The following ZNF654 variants were observed in gnomAD, a reference collection of about 807,000 sequenced individuals.
ZNF654 encodes melanoma-associated antigen.
A neutral mutation model predicts 95.3 loss-of-function variants in ZNF654; 19 were observed. The ratio of observed to expected loss-of-function variants is 0.20; its 90% CI spans 0.14 to 0.29. The LOEUF (loss-of-function observed/expected upper bound fraction) is 0.29. ZNF654 is among the 10% of genes least tolerant of loss of function. ZNF654 has a pLI of 1.00. For missense variants in ZNF654, 1,046 were observed against 1,341.0 expected (o/e 0.78, Z 3.44); for synonymous variants, 413 against 457.9 (o/e 0.90, Z 1.25).
At chr3:88,109,543 C>G (rs1704963520) in intron 2 of ZNF654, among the ~76,000 whole-genome samples, 1 of 151,996 alleles carries the variant, frequency 6.6e-6, no homozygotes, top group South Asian at 2.1e-4. Context: ...GATAAATGCA[C>G]AAATCTTTCT....
rs758417452 is a variant in ZNF654, at chr3:88,140,561, G to A, written c.2892G>A (p.Glu964=). The change falls in exon 8 of 9, where the codon GAG becomes GAA. Residue 964 remains glutamate, a synonymous_variant. Coordinates refer to ENST00000636215, the MANE Select transcript of ZNF654 (RefSeq NM_001350134.2). ...TAGACCAAAAGATGCCTGACATAGAGCCAAATTCTGAAAATAATTGTAGTA... is the reference window on the plus strand; with the variant it reads ...TAGACCAAAAGATGCCTGACATAGAACCAAATTCTGAAAATAATTGTAGTA... The part of the protein sequence containing the change: ...SLIDQKMPDI[E]PNSENNCSSS... 5 of 1,613,566 alleles carry A rather than the reference G, an allele frequency of 3.1e-6. No individual in the cohort carries two copies. In the African/African-American group the frequency reaches 5.3e-5, roughly 17 times the overall value.
In ZNF654 at chr3:88,143,450, A is replaced by AT. The variant is rs1348572322; in HGVS notation, c.*1803dup. 1 of 152,308 alleles carries AT rather than the reference A, an allele frequency of 6.6e-6. No individual in the cohort carries two copies. The highest frequency in any genetic ancestry group is 1.5e-5 in the Non-Finnish European group (1 of 67,766). The allele number at this position is 152,308 out of a possible 1,614,324, so 9.4% of individuals were successfully genotyped here. A position where few individuals can be genotyped will look rare whatever the true frequency, so the allele number is the denominator to read the frequency against. On this transcript the variant is annotated 3_prime_UTR_variant, in exon 9 of 9. Transcript: ENST00000636215. ...ATTTCTTGATACTAAAAATGTAATG[A>AT]TTTTTATTTTAGTTCATTCTAAAAG...
chr3:88,109,433 T>C (rs1376110425), intron 2 of ZNF654, among the ~76,000 whole-genome samples: 1 of 152,114 alleles, frequency 6.6e-6, no homozygotes, highest in African/African-American at 2.4e-5. Flanking sequence ...ATTGTTTGAC[T>C]CACATAGAGT....
At chr3:88,085,870 T>C (rs73150076) in intron 1 of ZNF654, among the ~76,000 whole-genome samples, 4 of 152,340 alleles carry the variant, frequency 2.6e-5, no homozygotes, top group Non-Finnish European at 2.9e-5. Context: ...TTATAAATAA[T>C]AATGATAATA....
At chr3:88,076,711 CCATG>C in intron 1 of ZNF654, among the ~76,000 whole-genome samples, 1 of 152,226 alleles carries the variant, frequency 6.6e-6, no homozygotes, top group East Asian at 1.9e-4. Context: ...GTTCCCTTGT[CCATG>C]CACCAATTTT....
At chr3:88,093,703 A>G (rs1224127169) in intron 2 of ZNF654, among the ~76,000 whole-genome samples, 2 of 152,248 alleles carry the variant, frequency 1.3e-5, no homozygotes, top group Non-Finnish European at 2.9e-5. Context: ...ACTGTATTTC[A>G]TACAGCATTT....
Position 88,140,192 on chromosome 3 carries a change from A to G in ZNF654, c.2523A>G (p.Ile841Met). ...QLAQHTKSHR[I>M]FQAQCSFPEC... ...CCCAGCACACAAAAAGTCACAGGAT[A>G]TTTCAGGCTCAGTGTAGTTTTCCAG... Residue 841 changes from isoleucine to methionine, a missense_variant, in exon 8 of 9, where the codon ATA (isoleucine) becomes ATG (methionine). Physicochemically the swap from Ile to Met is conservative, Grantham distance 10 (BLOSUM62 1). This residue lies in a region of ZNF654 where 495 missense variants were observed against 537.0 expected (regional missense o/e 0.92). Transcript: ENST00000636215. 1.2e-6 allele frequency: 2 copies of G among 1,613,824 alleles called. No individual in the cohort carries two copies. Among genetic ancestry groups the G allele is most frequent in the Non-Finnish European group, 1.7e-6 (2 of 1,179,770 alleles).
At chr3:88,111,299 C>G (rs1195854971) in intron 2 of ZNF654, among the ~76,000 whole-genome samples, 1 of 151,748 alleles carries the variant, frequency 6.6e-6, no homozygotes, top group Admixed American at 6.6e-5. Flanking sequence ...CATTTCTGAC[C>G]CCTAGTTCTT....
At chr3:88,127,647 G>A (rs111404912) in intron 4 of ZNF654, among the ~76,000 whole-genome samples, 100 of 152,238 alleles carry the variant, frequency 6.6e-4, no homozygotes, top group Non-Finnish European at 1.2e-3. Flanking sequence ...GAAAGTTTGA[G>A]CTTTTAAGGG....
chr3:88,103,718 A>G (rs1316218333), intron 2 of ZNF654, among the ~76,000 whole-genome samples: 1 of 151,942 alleles, frequency 6.6e-6, no homozygotes, highest in Non-Finnish European at 1.5e-5. Flanking sequence ...TTAAAACACA[A>G]TGAAGTGACA....
At chr3:88,086,073 A>G (rs1708322816) in intron 1 of ZNF654, among the ~76,000 whole-genome samples, 184 bp from the exon 2 acceptor site, 1 of 152,218 alleles carries the variant, frequency 6.6e-6, no homozygotes, top group South Asian at 2.1e-4. Flanking sequence ...TTTCAAAGAT[A>G]ATAATTGATT....
chr3:88,070,501 GA>G (rs1415216768), intron 1 of ZNF654, among the ~76,000 whole-genome samples: 1 of 144,388 alleles, frequency 6.9e-6, no homozygotes, highest in Non-Finnish European at 1.5e-5. Context: ...CAATAATTCA[GA>G]CATACCAAAA....
intron 1 of ZNF654, among the ~76,000 whole-genome samples, chr3:88,074,281 G>T (rs574289570): frequency 1.3e-5 from 2 of 152,074 alleles, no homozygotes; most frequent in East Asian, 1.9e-4. Context: ...CTCTGATTGG[G>T]AGTGGCTTCT....
chr3:88,059,268 ACGGCGG>A lies in ZNF654; in HGVS notation c.-40_-35del. On this transcript the variant is annotated 5_prime_UTR_variant, in exon 1 of 9. Coordinates refer to ENST00000636215, the MANE Select transcript of ZNF654 (RefSeq NM_001350134.2). ...GAGGAGGAGGTTAGCCTAGGCATCT[ACGGCGG>A]CGGCGGCGGCGCAGGGGCTGGTACG... 1 of 1,531,672 alleles carries A rather than the reference ACGGCGG, an allele frequency of 6.5e-7. No individual in the cohort carries two copies. The highest frequency in any genetic ancestry group is 2.0e-5 in the Admixed American group (1 of 50,708). The allele number at this position is 1,531,672 out of a possible 1,614,324, so 94.9% of individuals were successfully genotyped here.
At chr3:88,102,225 T>G (rs1349689361) in intron 2 of ZNF654, among the ~76,000 whole-genome samples, 2 of 152,144 alleles carry the variant, frequency 1.3e-5, no homozygotes, top group Non-Finnish European at 2.9e-5. Flanking sequence ...GGGCTTACAA[T>G]TTTTGTCAGC....
intron 4 of ZNF654, among the ~76,000 whole-genome samples, chr3:88,126,686 C>T (rs1437213050): frequency 6.9e-6 from 1 of 145,614 alleles, no homozygotes; most frequent in Non-Finnish European, 1.5e-5. Context: ...GGCTGGAACT[C>T]TGAATTTTTG....
chr3:88,109,997 TG>T (rs1471030320), intron 2 of ZNF654, among the ~76,000 whole-genome samples: 4 of 152,128 alleles, frequency 2.6e-5, no homozygotes, highest in South Asian at 4.1e-4. Context: ...AATTGACATA[TG>T]CATAGCTGAG....
chr3:88,071,150 A>G (rs1295218019), intron 1 of ZNF654, among the ~76,000 whole-genome samples: 2 of 152,190 alleles, frequency 1.3e-5, no homozygotes, highest in East Asian at 3.8e-4. Flanking sequence ...CTAAAACTAT[A>G]TTATGCAGTT....
chr3:88,104,729 A>C lies in ZNF654; in HGVS notation c.333-8386A>C, dbSNP rs4393932. 7.0e-4 allele frequency among the ~76,000 whole-genome samples: 106 copies of C among 152,364 alleles called. 1 individual carries two copies. The East Asian group carries it at 0.02, about 29-fold the overall frequency. On this transcript the variant is annotated intron_variant, in intron 2 of 8. Transcript: ENST00000636215. ...TAAGCCAAAGTGGACACTAAATGGA[A>C]TCTTAAAATTGCTCAGTCCCAAAGA...
Sources: allele counts gnomAD v4.1 joint callset (sites outside exome capture counted in the v4.1 genomes callset), GRCh38; gene constraint gnomAD v4.1.1; regional missense constraint gnomAD v4.1.1; transcripts MANE v1.5; gene names NCBI Gene and HGNC (gene_info 2026-07-23, HGNC 2026-07-21).